Variants in ARHGEF11 observed in about 807,000 individuals in gnomAD.
The protein encoded by ARHGEF11 is Rho guanine nucleotide exchange factor 11.
ARHGEF11 carries 55 observed loss-of-function variants against 193.7 expected under a neutral mutation model. The observed-to-expected ratio is 0.28, with a 90% confidence interval of 0.23 to 0.36. The LOEUF (loss-of-function observed/expected upper bound fraction) is 0.36. Ranked by LOEUF, ARHGEF11 falls within the 10% of genes least tolerant of loss-of-function variation. The pLI is 1.00. For synonymous variants in ARHGEF11, 693 were observed against 768.0 expected (o/e 0.90, Z 1.62); for missense variants, 1,723 against 2,005.6 (o/e 0.86, Z 2.69).
At chr1:156,955,353 G>C (rs1452586175) in intron 20 of ARHGEF11, among the ~76,000 whole-genome samples, 1 of 152,168 alleles carries the variant, frequency 6.6e-6, no homozygotes, top group Non-Finnish European at 1.5e-5. Context: ...AGTCTTGTGT[G>C]CTAGGACCAA....
intron 11 of ARHGEF11, chr1:156,963,891 G>T: frequency 1.6e-6 from 1 of 628,952 alleles, no homozygotes; most frequent in Non-Finnish European, 2.3e-6. Context: ...ATCTGGGGTG[G>T]GACTGTCAGT....
At chr1:156,955,107 C>T (rs1163506979) in intron 20 of ARHGEF11, among the ~76,000 whole-genome samples, 186 bp from the exon 21 acceptor site, 1 of 152,190 alleles carries the variant, frequency 6.6e-6, no homozygotes, top group Admixed American at 6.5e-5. Flanking sequence ...CAGCCCACCC[C>T]ACTGCCCTTC....
chr1:156,961,597 G>C (rs1417740255), intron 14 of ARHGEF11, 80 bp downstream of exon 14: 14 of 1,214,458 alleles, frequency 1.2e-5, no homozygotes, highest in Non-Finnish European at 1.6e-5. Context: ...GTTTGGCCTG[G>C]ATGTTTTGCT....
Position 156,948,689 on chromosome 1 carries a change from ACTC to A in ARHGEF11, c.1926-194_1926-192del. 1.3e-6 allele frequency: 2 copies of A among 1,527,558 alleles called. No homozygotes were observed. The highest frequency in any genetic ancestry group is 8.8e-7 in the Non-Finnish European group (1 of 1,142,110). The allele number at this position is 1,527,558 out of a possible 1,614,324, so 94.6% of individuals were successfully genotyped here. ...ACAGACTATTTTTGCTGCTCTACAA[ACTC>A]CTCCTCTCTCCCCAGCCTAGCCTGA... On this transcript the variant is annotated intron_variant, in intron 22 of 40. Transcript: ENST00000368194. This position sits in a 1 kb window ranked among gnomAD's most constrained non-coding sequence, Gnocchi z 4.2.
intron 29 of ARHGEF11, 105 bp downstream of exon 29, chr1:156,945,938 CAA>C (rs2101910298): frequency 2.4e-6 from 2 of 851,054 alleles, no homozygotes; most frequent in Non-Finnish European, 3.7e-6. Flanking sequence ...ACGAAGACAC[CAA>C]AGACCACAAG....
In ARHGEF11 at chr1:156,939,816, G is replaced by A; in HGVS notation, c.3828C>T (p.Pro1276=). 1 of 1,613,650 alleles carries A rather than the reference G, an allele frequency of 6.2e-7. No homozygotes were observed. The highest frequency in any genetic ancestry group is 8.5e-7 in the Non-Finnish European group (1 of 1,179,942). ...AAQEPEDDLT[P]TPSVISVTSH... ...AGGTGACGCTGATGACAGAAGGTGT[G>A]GGTGTCAGGTCGTCCTCGGGCTCCT... is the stretch of plus-strand genomic sequence containing the variant. The change falls in exon 37 of 41, where the codon CCC becomes CCT. Residue 1276 remains proline, a synonymous_variant. Transcript: ENST00000368194.
Position 156,944,432 on chromosome 1 carries a change from C to T in ARHGEF11, c.2993G>A (p.Ser998Asn), listed in dbSNP as rs1259376462. 6.2e-7 allele frequency: 1 copy of T among 1,606,704 alleles called. No homozygotes were observed. Among genetic ancestry groups the T allele is most frequent in the Non-Finnish European group, 8.5e-7 (1 of 1,178,802 alleles). The change falls in exon 31 of 41, where the codon AGC becomes AAC. Residue 998 changes from serine to asparagine, a missense_variant and splice_region_variant. Coordinates refer to ENST00000368194, the MANE Select transcript of ARHGEF11 (RefSeq NM_198236.3). ...CATTTTTCTGGTTGTAAGATCCAGG[C>T]TCTGTTAAGGAGACACCATTCATTC... ...ASNPLAAEFK[S>N]LDLTTRKMIH...
At chr1:157,027,447 C>T (rs903092230) in intron 1 of ARHGEF11, among the ~76,000 whole-genome samples, 8 of 151,802 alleles carry the variant, frequency 5.3e-5, no homozygotes, top group African/African-American at 1.9e-4. Flanking sequence ...TACAGAGGCA[C>T]AAGAAAAGAT....
chr1:156,962,972 C>T (rs1003309643), intron 13 of ARHGEF11, among the ~76,000 whole-genome samples: 4 of 151,216 alleles, frequency 2.6e-5, no homozygotes, highest in Admixed American at 6.6e-5. Flanking sequence ...TTTTCCTGGC[C>T]TTGCTCTCTT....
intron 3 of ARHGEF11, among the ~76,000 whole-genome samples, 183 bp from the exon 4 acceptor site, chr1:156,980,669 C>G (rs1001909469): frequency 6.6e-6 from 1 of 152,094 alleles, no homozygotes; most frequent in Admixed American, 6.5e-5. Context: ...CTAGAGTGAA[C>G]TATATAAGGT....
chr1:156,938,346 G>T, intron 38 of ARHGEF11, 72 bp downstream of exon 38: 1 of 1,413,376 alleles, frequency 7.1e-7, no homozygotes. Flanking sequence ...ATGGGCAGGG[G>T]TCCGACTCTG....
rs144803270 is a variant in ARHGEF11 at position 156,940,228 on chromosome 1, C to T, written c.3712G>A (p.Ala1238Thr). ...TCACCATCTTCCAGAGCGGAGTCAG[C>T]GAGCCCTTCCATGAACAGAGGGCCT... ...FPGPLFMEGL[A>T]DSALEDVENL... Residue 1238 changes from alanine (A) to threonine (T), a missense_variant, in exon 36 of 41, where the codon GCT (alanine) becomes ACT (threonine). Ala to Thr is a moderately conservative substitution (Grantham distance 58, BLOSUM62 0). This residue lies in a region of ARHGEF11 where 203 missense variants were observed against 237.3 expected (regional missense o/e 0.86). Coordinates refer to ENST00000368194, the MANE Select transcript of ARHGEF11 (RefSeq NM_198236.3). 1.1e-5 allele frequency: 17 copies of T among 1,592,588 alleles called. No homozygotes were observed. Among genetic ancestry groups the T allele is most frequent in the South Asian group, 2.3e-5 (2 of 88,206 alleles).
rs570921103 is a variant in ARHGEF11 at position 156,956,551 on chromosome 1, A to C, written c.1540T>G (p.Phe514Val). 1.9e-6 allele frequency: 3 copies of C among 1,614,086 alleles called. No homozygotes were observed. Among genetic ancestry groups the C allele is most frequent in the Admixed American group, 1.7e-5 (1 of 60,004 alleles). Residue 514 changes from phenylalanine (F) to valine (V), a missense_variant, in exon 19 of 41, where the codon TTC (phenylalanine) becomes GTC (valine). Phe to Val is a conservative substitution (Grantham distance 50, BLOSUM62 -1). Transcript: ENST00000368194. ...YEEDRSAPMDFALNTYMSHAG... is the reference protein window; with the variant it reads ...YEEDRSAPMDVALNTYMSHAG... ...TGGCTCATGTAGGTATTGAGGGCGA[A>C]GTCCATGGGGGCGCTGTAAAAGAGG...
intron 1 of ARHGEF11, among the ~76,000 whole-genome samples, chr1:156,992,011 C>T (rs919485772): frequency 2.0e-5 from 3 of 152,100 alleles, no homozygotes; most frequent in South Asian, 2.1e-4. Flanking sequence ...CCACCGCGCC[C>T]GGCCAAGCTT....
chr1:157,018,805 A>T (rs1257325900), intron 1 of ARHGEF11, among the ~76,000 whole-genome samples: 1 of 152,266 alleles, frequency 6.6e-6, no homozygotes, highest in Non-Finnish European at 1.5e-5. Flanking sequence ...AGTGGAACAC[A>T]GTAGAGTCTG....
At chr1:157,046,225 C>CCCGCCG (rs1571654982), upstream of ARHGEF11, among the ~76,000 whole-genome samples, 3 of 148,928 alleles carry the variant, frequency 2.0e-5, no homozygotes, top group Non-Finnish European at 4.5e-5. Flanking sequence ...GCGCGCCGTC[C>CCCGCCG]CCGCCGCCGC....
intron 29 of ARHGEF11, chr1:156,945,461 C>T (rs1657947355): frequency 2.0e-6 from 1 of 494,304 alleles, no homozygotes; most frequent in African/African-American, 2.0e-5. Context: ...ACCAGCTCTA[C>T]AGATGCAAGG....
At position 156,942,092 on chromosome 1, in the gene ARHGEF11, C is replaced by A. The variant is rs1657121275; in HGVS notation, c.3327-103G>T. The A allele has an allele frequency of 2.5e-6, 4 of 1,569,042 alleles. No homozygotes were observed. In the Admixed American group the frequency reaches 6.9e-5, roughly 27 times the overall value. Reference sequence around the variant, plus strand: ...GAACAGGGCTTCCAGGCCCTAAGAACCCTCTGCCTGGCAGGTGCCCACCTC... The same window carrying A: ...GAACAGGGCTTCCAGGCCCTAAGAAACCTCTGCCTGGCAGGTGCCCACCTC... On this transcript the variant is annotated intron_variant, in intron 33 of 40. Coordinates refer to ENST00000368194, the MANE Select transcript of ARHGEF11 (RefSeq NM_198236.3).
intron 1 of ARHGEF11, among the ~76,000 whole-genome samples, chr1:157,011,326 G>A (rs1160861109): frequency 6.6e-6 from 1 of 152,014 alleles, no homozygotes; most frequent in African/African-American, 2.4e-5. Flanking sequence ...TCATATACAA[G>A]AATTAACTCA....
Sources: gnomAD v4.1 joint callset for allele counts (sites outside exome capture counted in the v4.1 genomes callset) on GRCh38, gnomAD v4.1.1 for gene constraint, gnomAD v4.1.1 regional missense constraint, Gnocchi (gnomAD v3.1) non-coding constraint, MANE v1.5 for transcripts, NCBI Gene and HGNC (gene_info 2026-07-23, HGNC 2026-07-21) for gene names.